Variants in DZANK1 observed in about 807,000 individuals in gnomAD.
DZANK1 encodes double zinc ribbon and ankyrin repeat-containing protein 1.
A neutral mutation model predicts 94.5 loss-of-function variants in DZANK1; 91 were observed. The observed-to-expected ratio is 0.96, with a 90% CI of 0.81 to 1.15. The LOEUF (loss-of-function observed/expected upper bound fraction) is 1.15. DZANK1 is among the 50% of genes most tolerant of loss of function. The pLI is 0.00. For synonymous variants in DZANK1, 312 were observed against 325.3 expected, an observed-to-expected ratio of 0.96 and a Z score of 0.44; for missense variants, 903 against 916.4, an observed-to-expected ratio of 0.99 and a Z score of 0.19.
At chr20:18,404,270 T>C (rs143079028) in intron 13 of DZANK1, among the ~76,000 whole-genome samples, 101 of 152,226 alleles carry the variant, frequency 6.6e-4, no homozygotes, top group African/African-American at 2.2e-3. Context: ...AACCAGTCCG[T>C]GAAGCAATTT....
intron 1 of DZANK1, among the ~76,000 whole-genome samples, chr20:18,466,248 T>G (rs1453269458): frequency 6.6e-6 from 1 of 152,266 alleles, no homozygotes; most frequent in Non-Finnish European, 1.5e-5. Flanking sequence ...AGTCTACTTC[T>G]TGCATTCTCA....
intron 19 of DZANK1, among the ~76,000 whole-genome samples, chr20:18,387,843 C>G (rs962875321): frequency 6.6e-6 from 1 of 152,220 alleles, no homozygotes; most frequent in Non-Finnish European, 1.5e-5. Flanking sequence ...ACCACCTAGG[C>G]TCCACTAGCC....
intron 13 of DZANK1, among the ~76,000 whole-genome samples, chr20:18,399,261 C>T (rs1311768383): frequency 2.0e-5 from 3 of 152,154 alleles, no homozygotes; most frequent in Admixed American, 6.5e-5. Context: ...TGGGATCTCA[C>T]TCTGTTGCCC....
At chr20:18,387,409 T>C (rs1392631461) in intron 19 of DZANK1, among the ~76,000 whole-genome samples, 1 of 152,222 alleles carries the variant, frequency 6.6e-6, no homozygotes, top group African/African-American at 2.4e-5. Flanking sequence ...AACTATTTAC[T>C]CAAATCTAAG....
chr20:18,393,645 T>TTATTCTTCCATTTTATTATTC, intron 17 of DZANK1, 66 bp downstream of exon 17: 1 of 1,086,122 alleles, frequency 9.2e-7, no homozygotes, highest in Non-Finnish European at 1.3e-6. Context: ...TTAAAAAAGG[T>TTATTCTTCCATTTTATTATTC]CAAAATAAAA....
chr20:18,409,028 G>A (rs1672084677), intron 13 of DZANK1, among the ~76,000 whole-genome samples: 1 of 152,060 alleles, frequency 6.6e-6, no homozygotes, highest in Non-Finnish European at 1.5e-5. Context: ...TAAATCTAGA[G>A]TTTTTATTAG....
At chr20:18,397,573 G>C (rs1405880441) in intron 14 of DZANK1, among the ~76,000 whole-genome samples, 1 of 152,148 alleles carries the variant, frequency 6.6e-6, no homozygotes, top group African/African-American at 2.4e-5. Flanking sequence ...CAACTGCGGT[G>C]TGAAAAACCA....
chr20:18,385,246 G>A (rs1175338951), intron 19 of DZANK1, among the ~76,000 whole-genome samples, 156 bp from the exon 20 acceptor site: 3 of 151,576 alleles, frequency 2.0e-5, no homozygotes, highest in African/African-American at 7.3e-5. Context: ...TTCTCTTGGA[G>A]GAATACTGTG....
intron 13 of DZANK1, among the ~76,000 whole-genome samples, chr20:18,411,332 AT>A (rs1228979418): frequency 2.0e-5 from 3 of 152,212 alleles, no homozygotes; most frequent in African/African-American, 7.2e-5. Context: ...CTTTATTGAA[AT>A]AAAAAAGATT....
intron 13 of DZANK1, among the ~76,000 whole-genome samples, chr20:18,409,551 TACACACACACACACACAC>T (rs71194238): frequency 2.1e-5 from 3 of 142,562 alleles, no homozygotes; most frequent in Non-Finnish European, 4.6e-5. Flanking sequence ...GTAATATGAA[TACACACACACACACACAC>T]ACACACACAC....
intron 10 of DZANK1, among the ~76,000 whole-genome samples, chr20:18,422,075 T>C (rs1406899178): frequency 6.6e-6 from 1 of 152,210 alleles, no homozygotes; most frequent in African/African-American, 2.4e-5. Context: ...TGTAATTCTG[T>C]TTGTCTATTT....
intron 8 of DZANK1, among the ~76,000 whole-genome samples, chr20:18,440,749 A>C (rs2058692375): frequency 6.6e-6 from 1 of 152,202 alleles, no homozygotes; most frequent in African/African-American, 2.4e-5. Context: ...ACATAAGGGC[A>C]AACTACATCC....
At chr20:18,447,385 A>C (rs1002487947) in intron 7 of DZANK1, among the ~76,000 whole-genome samples, 13 of 152,170 alleles carry the variant, frequency 8.5e-5, no homozygotes, top group Non-Finnish European at 1.8e-4. Context: ...GCAGTGGCAC[A>C]ATCTTGGCTC....
chr20:18,427,276 C>T, intron 9 of DZANK1, 117 bp from the exon 10 acceptor site: 1 of 627,980 alleles, frequency 1.6e-6, no homozygotes, highest in Non-Finnish European at 2.7e-6. Flanking sequence ...TGCACCCAGG[C>T]CCTGAATACT....
At chr20:18,406,204 G>A (rs969092412) in intron 13 of DZANK1, among the ~76,000 whole-genome samples, 38 of 152,240 alleles carry the variant, frequency 2.5e-4, no homozygotes, top group Admixed American at 2.5e-3. Context: ...GTGACCTAGG[G>A]AGACACCAGC....
intron 13 of DZANK1, among the ~76,000 whole-genome samples, chr20:18,404,824 A>G (rs753029059): frequency 3.9e-5 from 6 of 152,110 alleles, no homozygotes; most frequent in Non-Finnish European, 8.8e-5. Context: ...AGATGAAAAG[A>G]TCTCTTGAGC....
intron 13 of DZANK1, among the ~76,000 whole-genome samples, chr20:18,404,085 C>A (rs1318508299): frequency 6.6e-6 from 1 of 151,868 alleles, no homozygotes; most frequent in Non-Finnish European, 1.5e-5. Flanking sequence ...GCCACCGCGC[C>A]GGGCCACAGA....
intron 4 of DZANK1, among the ~76,000 whole-genome samples, 185 bp downstream of exon 4, chr20:18,455,062 T>TG (rs2059236048): frequency 6.6e-6 from 1 of 152,102 alleles, no homozygotes; most frequent in South Asian, 2.1e-4. Context: ...ATCTTCAGGG[T>TG]GGATAGGAGA....
chr20:18,385,386 T>G (rs562580979), intron 19 of DZANK1, among the ~76,000 whole-genome samples: 1 of 152,100 alleles, frequency 6.6e-6, no homozygotes, highest in African/African-American at 2.4e-5. Flanking sequence ...TGTTCTAAAT[T>G]GCCTGCAAGA....
Sources: gnomAD v4.1 joint callset for allele counts (sites outside exome capture counted in the v4.1 genomes callset) on GRCh38, gnomAD v4.1.1 for gene constraint, MANE v1.5 for transcripts, NCBI Gene and HGNC (gene_info 2026-07-23, HGNC 2026-07-21) for gene names.